The following WDPCP variants were observed in gnomAD, a reference collection of about 807,000 sequenced individuals.
WDPCP encodes the protein WD repeat-containing and planar cell polarity effector protein fritz homolog.
A neutral mutation model predicts 93.1 loss-of-function variants in WDPCP; 71 were observed. The ratio of observed to expected loss-of-function variants is 0.76; its 90% CI spans 0.63 to 0.93. The LOEUF is 0.93. Ranked by LOEUF, WDPCP falls within the 40% of genes least tolerant of loss-of-function variation. The pLI is 0.00. For synonymous variants in WDPCP, 315 were observed against 315.0 expected, an observed-to-expected ratio of 1.00 and a Z score of 0.00; for missense variants, 844 against 887.4, an observed-to-expected ratio of 0.95 and a Z score of 0.62.
In WDPCP at chr2:63,484,923, C is replaced by A. The variant is rs1187958864; in HGVS notation, c.318G>T (p.Glu106Asp). 6.2e-7 allele frequency: 1 copy of A among 1,612,528 alleles called. No individual in the cohort carries two copies. The highest frequency in any genetic ancestry group is 8.5e-7 in the Non-Finnish European group (1 of 1,179,036). Reference protein sequence around the residue: ...RPEKLRDSLKELEELMQNSRC... With the variant: ...RPEKLRDSLKDLEELMQNSRC... Reference sequence around the variant, plus strand: ...GAAACTTTTTGAAAGATACCTCCAACTCTTTGAGCGAGTCTCGGAGTTTTT... The same window carrying A: ...GAAACTTTTTGAAAGATACCTCCAAATCTTTGAGCGAGTCTCGGAGTTTTT... The change falls in exon 5 of 18, where the codon GAG becomes GAT. Residue 106 changes from glutamate (E) to aspartate (D), a missense_variant. Physicochemically the swap from Glu to Asp is conservative, Grantham distance 45 (BLOSUM62 2). Coordinates refer to ENST00000272321, the MANE Select transcript of WDPCP (RefSeq NM_015910.7).
chr2:63,539,745 T>C (rs1704571930), intron 1 of WDPCP, among the ~76,000 whole-genome samples: 1 of 152,154 alleles, frequency 6.6e-6, no homozygotes, highest in Non-Finnish European at 1.5e-5. Flanking sequence ...CAACTTAAGT[T>C]TTTAGTAATA....
intron 3 of WDPCP, among the ~76,000 whole-genome samples, chr2:63,648,389 T>G (rs1047610699): frequency 1.3e-5 from 2 of 152,218 alleles, no homozygotes; most frequent in African/African-American, 4.8e-5. Context: ...ATTCTTTTTT[T>G]GAAGTATTAT....
At chr2:63,577,279 G>A (rs992147220) in intron 1 of WDPCP, among the ~76,000 whole-genome samples, 7 of 152,046 alleles carry the variant, frequency 4.6e-5, no homozygotes, top group Non-Finnish European at 7.4e-5. Flanking sequence ...GTAAATAATT[G>A]GTTCAGTCAG....
chr2:63,616,167 A>C (rs781192060), intron 3 of WDPCP, among the ~76,000 whole-genome samples: 23 of 152,222 alleles, frequency 1.5e-4, no homozygotes, highest in Non-Finnish European at 1.0e-4. Flanking sequence ...AAACTTACAG[A>C]GGTGAGAATC....
At chr2:63,790,660 A>T (rs1670531244) in intron 2 of WDPCP, among the ~76,000 whole-genome samples, 1 of 152,198 alleles carries the variant, frequency 6.6e-6, no homozygotes, top group Non-Finnish European at 1.5e-5. Flanking sequence ...GGAAGAAGGG[A>T]ACTGCAGAAA....
intron 2 of WDPCP, among the ~76,000 whole-genome samples, chr2:63,714,997 G>T (rs568014297): frequency 9.2e-5 from 14 of 152,208 alleles, no homozygotes; most frequent in African/African-American, 3.1e-4. Flanking sequence ...AAAAAAGAAT[G>T]CTGTGACATG....
intron 1 of WDPCP, among the ~76,000 whole-genome samples, chr2:63,816,135 A>G: frequency 6.6e-6 from 1 of 152,158 alleles, no homozygotes; most frequent in East Asian, 1.9e-4. Context: ...ATTATGGGTA[A>G]TTATCACTAA....
upstream of WDPCP, chr2:63,589,478 AGC>A: frequency 3.1e-6 from 4 of 1,274,046 alleles, no homozygotes; most frequent in Admixed American, 2.0e-5. Context: ...GGACCTTGAA[AGC>A]AAAAAGCTGG....
chr2:63,283,395 T>C (rs572557935), intron 13 of WDPCP, among the ~76,000 whole-genome samples: 26 of 152,332 alleles, frequency 1.7e-4, no homozygotes, highest in Admixed American at 1.6e-3. Context: ...GTATAATTAT[T>C]CAAACATTCT....
chr2:63,152,386 T>C (rs954513591), intron 17 of WDPCP, among the ~76,000 whole-genome samples: 2 of 151,858 alleles, frequency 1.3e-5, no homozygotes, highest in Non-Finnish European at 2.9e-5. Context: ...GTAATTCTCA[T>C]GCCTCAGCCT....
Position 63,484,892 on chromosome 2 carries a change from ATTTTTGAAAC to A in WDPCP, c.324+15_324+24del, listed in dbSNP as rs779186304. 5 of 1,611,000 alleles carry A rather than the reference ATTTTTGAAAC, an allele frequency of 3.1e-6. No homozygotes were observed. Among genetic ancestry groups the A allele is most frequent in the Middle Eastern group, 1.7e-4 (1 of 6,042 alleles). ...TTTAAAAACAGATTTGTTTGTTGCC[ATTTTTGAAAC>A]TTTTTGAAAGATACCTCCAACTCTT... On this transcript the variant is annotated intron_variant, in intron 5 of 17. Transcript: ENST00000272321.
intron 7 of WDPCP, chr2:63,437,979 C>A: frequency 7.3e-7 from 1 of 1,369,586 alleles, no homozygotes; most frequent in Non-Finnish European, 9.5e-7. Context: ...GATCAGTGTT[C>A]TCTACCAGTC....
chr2:63,769,583 T>C (rs561055635), intron 2 of WDPCP, among the ~76,000 whole-genome samples: 1 of 152,068 alleles, frequency 6.6e-6, no homozygotes, highest in South Asian at 2.1e-4. Flanking sequence ...CCAGGTTATG[T>C]GGTCTCATTA....
rs189721661 is a variant in WDPCP, at chr2:63,171,641, G to A, written c.2078+3029C>T. ...AATTTGGCAGTTTCTTAAAACTAGC[G>A]AATTAAATATAAACTTAGAATAAGA... On this transcript the variant is annotated intron_variant, in intron 15 of 17. Coordinates refer to ENST00000272321, the MANE Select transcript of WDPCP (RefSeq NM_015910.7). Among the ~76,000 whole-genome samples, 339 of 152,192 alleles carry A rather than the reference G, an allele frequency of 2.2e-3. 2 individuals are homozygous for A. The highest frequency in any genetic ancestry group is 7.0e-3 in the African/African-American group (292 of 41,518).
Position 63,433,905 on chromosome 2 carries a change from T to C in WDPCP, c.665A>G (p.Asn222Ser), listed in dbSNP as rs1361250061. ...IFYYEIPGPINKTTERHLAIN... is the reference protein window; with the variant it reads ...IFYYEIPGPISKTTERHLAIN... Reference sequence around the variant, plus strand: ...AGCTAGATGTCGCTCTGTTGTCTTGTTTATTGGGCCGGGTATTTCATAATA... The same window carrying C: ...AGCTAGATGTCGCTCTGTTGTCTTGCTTATTGGGCCGGGTATTTCATAATA... Residue 222 changes from asparagine (N) to serine (S), a missense_variant, in exon 9 of 18, where the codon AAC becomes AGC. Asn to Ser is a conservative substitution (Grantham distance 46, BLOSUM62 1). Transcript: ENST00000272321. The C allele has an allele frequency of 6.2e-7, 1 of 1,613,912 alleles. No individual in the cohort carries two copies.
intron 17 of WDPCP, among the ~76,000 whole-genome samples, chr2:63,129,610 T>C (rs981581382): frequency 6.6e-5 from 10 of 152,232 alleles, no homozygotes; most frequent in African/African-American, 2.4e-4. Flanking sequence ...CATTTGTATA[T>C]CTTGGAAGTT....
intron 1 of WDPCP, among the ~76,000 whole-genome samples, chr2:63,522,548 AAGAT>A (rs1258574101): frequency 9.2e-5 from 14 of 151,870 alleles, no homozygotes; most frequent in African/African-American, 3.4e-4. Context: ...AAGAATTAAT[AAGAT>A]AGATAGACCA....
At chr2:63,615,642 G>A (rs933001746) in intron 3 of WDPCP, among the ~76,000 whole-genome samples, 1 of 152,166 alleles carries the variant, frequency 6.6e-6, no homozygotes, top group East Asian at 1.9e-4. Context: ...GCAGAGAGCT[G>A]TTTCTTTTGC....
intron 14 of WDPCP, among the ~76,000 whole-genome samples, chr2:63,205,238 A>G (rs371702618): frequency 6.6e-6 from 1 of 152,226 alleles, no homozygotes; most frequent in South Asian, 2.1e-4. Context: ...TGTTTTGGTT[A>G]CTATAGCTCT....
Sources: gnomAD v4.1 joint callset for allele counts (sites outside exome capture counted in the v4.1 genomes callset) on GRCh38, gnomAD v4.1.1 for gene constraint, MANE v1.5 for transcripts, NCBI Gene and HGNC (gene_info 2026-07-23, HGNC 2026-07-21) for gene names.